PLD5: variants seen among roughly 807,000 people sequenced by gnomAD.
The protein encoded by PLD5 is phospholipase D family member 5.
In PLD5, 36 loss-of-function variants were observed where a neutral mutation model predicts 61.1. The ratio of observed to expected loss-of-function variants is 0.59; its 90% CI spans 0.45 to 0.78. The LOEUF is 0.78. Ranked by LOEUF, PLD5 falls within the 30% of genes least tolerant of loss-of-function variation. The pLI is 0.00. For synonymous variants in PLD5, 243 were observed against 242.8 expected (o/e 1.00, Z -0.01); for missense variants, 515 against 644.4 (o/e 0.80, Z 2.17).
chr1:242,263,591 C>G (rs1673491929), intron 4 of PLD5, among the ~76,000 whole-genome samples: 1 of 151,886 alleles, frequency 6.6e-6, no homozygotes, highest in Admixed American at 6.6e-5. Flanking sequence ...TAGAAAATAG[C>G]TATGAGAAAT....
chr1:242,356,689 T>C (rs1660771419), intron 1 of PLD5, among the ~76,000 whole-genome samples: 1 of 151,756 alleles, frequency 6.6e-6, no homozygotes, highest in African/African-American at 2.4e-5. Context: ...GTTTCCTTAG[T>C]GGTATGTTTT....
At chr1:242,464,549 C>G (rs574543958) in intron 1 of PLD5, among the ~76,000 whole-genome samples, 43 of 152,320 alleles carry the variant, frequency 2.8e-4, no homozygotes, top group African/African-American at 9.4e-4. Context: ...CCCTCATTCT[C>G]TCATTCTGGT....
intron 4 of PLD5, among the ~76,000 whole-genome samples, chr1:242,253,400 C>T (rs11801043): frequency 0.1 from 15,195 of 150,234 alleles, 1,075 homozygotes; most frequent in African/African-American, 0.19. Context: ...GCAAGCTCTG[C>T]CCCCTGGGGT....
chr1:242,247,095 T>C (rs549606027), intron 4 of PLD5, among the ~76,000 whole-genome samples: 2 of 151,658 alleles, frequency 1.3e-5, no homozygotes, highest in East Asian at 1.9e-4. Context: ...GCCATTCTCC[T>C]GCCTCAGCCT....
chr1:242,206,687 G>A (rs912365804), intron 5 of PLD5, among the ~76,000 whole-genome samples: 1 of 152,154 alleles, frequency 6.6e-6, no homozygotes, highest in African/African-American at 2.4e-5. Context: ...TATTCATTAA[G>A]TGGAAGTGGA....
Position 242,089,886 on chromosome 1 carries a change from C to T in PLD5, c.1579G>A (p.Asp527Asn), listed in dbSNP as rs150366646. ...KPLSNKTATD[D>N]TGGKDPRNV ...TTCCGGGGATCCTTTCCGCCTGTGT[C>T]GTCTGTGGCAGTTTTGTTGGAGAGG... is the stretch of plus-strand genomic sequence containing the variant. The change falls in exon 10 of 10, where the codon GAC (aspartate) becomes AAC (asparagine). Residue 527 changes from aspartate (D) to asparagine (N), a missense_variant. Asp to Asn is a conservative substitution (Grantham distance 23). This residue lies in a region of PLD5 where 450 missense variants were observed against 598.1 expected (regional missense o/e 0.75). Transcript: ENST00000536534. The T allele has an allele frequency of 7.4e-5, 120 of 1,614,130 alleles. No homozygotes were observed. The African/African-American group carries it at 1.0e-3, about 14-fold the overall frequency.
intron 2 of PLD5, among the ~76,000 whole-genome samples, chr1:242,289,537 G>C (rs1415645003): frequency 6.6e-6 from 1 of 151,970 alleles, no homozygotes. Flanking sequence ...GTTTTTCATA[G>C]AGATGGGGTT....
In PLD5 at chr1:242,268,770, G is replaced by A. The variant is rs568979404; in HGVS notation, c.496-3322C>T. Among the ~76,000 whole-genome samples, 3 of 152,176 alleles carry A rather than the reference G, an allele frequency of 2.0e-5. 1 individual carries two copies. In the South Asian group the frequency reaches 6.2e-4, roughly 32 times the overall value. Reference sequence around the variant, plus strand: ...ATTCAAAATGTAATCATTTCCAAAGGTATTAAACCCTACTCTGTGCAGAGA... The same window carrying A: ...ATTCAAAATGTAATCATTTCCAAAGATATTAAACCCTACTCTGTGCAGAGA... On this transcript the variant is annotated intron_variant, in intron 3 of 9. Coordinates refer to ENST00000536534, the MANE Select transcript of PLD5 (RefSeq NM_001372062.1).
At chr1:242,193,603 A>G (rs1025923582) in intron 5 of PLD5, among the ~76,000 whole-genome samples, 3 of 152,198 alleles carry the variant, frequency 2.0e-5, no homozygotes, top group African/African-American at 7.2e-5. Flanking sequence ...ACCATGTTTG[A>G]TCATCAGAAC....
intron 1 of PLD5, among the ~76,000 whole-genome samples, chr1:242,424,902 C>A (rs147504187): frequency 1.3e-5 from 2 of 152,204 alleles, no homozygotes; most frequent in African/African-American, 4.8e-5. Context: ...GAGGTCAAGA[C>A]GGGTAGATCA....
chr1:242,486,789 T>G (rs1265964225), intron 1 of PLD5, among the ~76,000 whole-genome samples: 2 of 152,224 alleles, frequency 1.3e-5, no homozygotes, highest in South Asian at 2.1e-4. Context: ...CTATTCACAA[T>G]AGCAAAGACT....
At chr1:242,517,340 C>T (rs186937592) in intron 1 of PLD5, among the ~76,000 whole-genome samples, 70 of 152,252 alleles carry the variant, frequency 4.6e-4, no homozygotes, top group Admixed American at 1.0e-3. Flanking sequence ...AATGGTTTAT[C>T]GGAATAGTAA....
At chr1:242,357,297 T>C (rs1660805314) in intron 1 of PLD5, among the ~76,000 whole-genome samples, 1 of 150,780 alleles carries the variant, frequency 6.6e-6, no homozygotes, top group Non-Finnish European at 1.5e-5. Flanking sequence ...CTACCGATGA[T>C]TGTATTGAGA....
At chr1:242,204,258 A>T (rs1462732149) in intron 5 of PLD5, among the ~76,000 whole-genome samples, 3 of 151,272 alleles carry the variant, frequency 2.0e-5, no homozygotes, top group Non-Finnish European at 4.4e-5. Flanking sequence ...AAAAAAAAAA[A>T]TTTTAGGCAC....
intron 4 of PLD5, among the ~76,000 whole-genome samples, chr1:242,221,707 T>A (rs148950557): frequency 4.7e-4 from 72 of 151,886 alleles, no homozygotes; most frequent in African/African-American, 1.6e-3. Flanking sequence ...CAAAAAAGAG[T>A]TGCAGATCCC....
In PLD5 at chr1:242,353,450, G is replaced by A. The variant is rs544744502; in HGVS notation, c.190-5208C>T. Among the ~76,000 whole-genome samples the A allele has an allele frequency of 2.4e-3, 373 of 152,248 alleles. 2 individuals carry two copies. The highest frequency in any genetic ancestry group is 8.7e-3 in the African/African-American group (360 of 41,554). Reference sequence around the variant, plus strand: ...GTAGTACAGTACAGATTGAAATCAGGTAGTGTGATGCCTCTGGCTTTGCTC... The same window carrying A: ...GTAGTACAGTACAGATTGAAATCAGATAGTGTGATGCCTCTGGCTTTGCTC... On this transcript the variant is annotated intron_variant, in intron 1 of 9. Transcript: ENST00000536534.
chr1:242,356,671 G>A (rs1439240515), intron 1 of PLD5, among the ~76,000 whole-genome samples: 1 of 151,296 alleles, frequency 6.6e-6, no homozygotes, highest in Non-Finnish European at 1.5e-5. Context: ...AGTTTGCTAT[G>A]GTGTATGGTT....
At chr1:242,477,736 A>C (rs1302945141) in intron 1 of PLD5, among the ~76,000 whole-genome samples, 1 of 152,194 alleles carries the variant, frequency 6.6e-6, no homozygotes, top group Non-Finnish European at 1.5e-5. Flanking sequence ...GGATCAGGGC[A>C]TCAGGTTCAG....
chr1:242,086,850 T>A lies in PLD5; in HGVS notation c.*3004A>T, dbSNP rs1282217278. On this transcript the variant is annotated 3_prime_UTR_variant, in exon 10 of 10. Coordinates refer to ENST00000536534, the MANE Select transcript of PLD5 (RefSeq NM_001372062.1). ...TCCTTTTTGCCTCTTGGGAAATAAA[T>A]CCAGGAATGTTAATGGGGAGTAGTC... 1 of 152,206 alleles carries A rather than the reference T, an allele frequency of 6.6e-6. No individual in the cohort carries two copies. The highest frequency in any genetic ancestry group is 1.5e-5 in the Non-Finnish European group (1 of 68,020). 9.4% of individuals were successfully genotyped at this position (152,206 alleles called of 1,614,324 possible). A position where few individuals can be genotyped will look rare whatever the true frequency, so the allele number is the denominator to read the frequency against.
Sources: allele counts gnomAD v4.1 joint callset (sites outside exome capture counted in the v4.1 genomes callset), GRCh38; gene constraint gnomAD v4.1.1; regional missense constraint gnomAD v4.1.1; transcripts MANE v1.5; gene names NCBI Gene and HGNC (gene_info 2026-07-23, HGNC 2026-07-21).